The following DPYD variants were observed in gnomAD, a reference collection of about 807,000 sequenced individuals.
The protein encoded by DPYD is dihydropyrimidine dehydrogenase, also known as dihydropyrimidine dehydrogenase [NADP(+)].
In DPYD, 109 loss-of-function variants were observed where a neutral mutation model predicts 116.2. The ratio of observed to expected loss-of-function variants is 0.94; its 90% CI spans 0.80 to 1.10. DPYD has a LOEUF of 1.10. Ranked by LOEUF, DPYD falls within the 50% of genes least tolerant of loss-of-function variation. DPYD has a pLI of 0.00. For synonymous variants in DPYD, 440 were observed against 432.0 expected (o/e 1.02, Z -0.23); for missense variants, 1,302 against 1,254.5 (o/e 1.04, Z -0.57).
rs968650602 is a variant in DPYD, at chr1:97,308,076, C to T, written c.2059-1779G>A. Among the ~76,000 whole-genome samples, 21 of 151,860 alleles carry T rather than the reference C, an allele frequency of 1.4e-4. 1 individual carries two copies. In the East Asian group the frequency reaches 4.1e-3, roughly 30 times the overall value. ...GTAAACACTAATAATCTGATATAGG[C>T]TTCCAAGTGGCTTTCAATACTATTG... On this transcript the variant is annotated intron_variant, in intron 16 of 22. Transcript: ENST00000370192.
At chr1:97,406,566 C>G (rs1311088851) in intron 14 of DPYD, among the ~76,000 whole-genome samples, 2 of 148,288 alleles carry the variant, frequency 1.3e-5, no homozygotes, top group African/African-American at 5.0e-5. Flanking sequence ...CCCCACCCCC[C>G]GACAGGCCCC....
intron 8 of DPYD, among the ~76,000 whole-genome samples, chr1:97,662,140 A>G (rs1659302480): frequency 6.6e-6 from 1 of 151,308 alleles, no homozygotes; most frequent in African/African-American, 2.4e-5. Flanking sequence ...AGCTGGGACT[A>G]CAGGCACCAG....
chr1:97,340,777 A>G (rs1669552230), intron 16 of DPYD, among the ~76,000 whole-genome samples: 1 of 152,220 alleles, frequency 6.6e-6, no homozygotes, highest in South Asian at 2.1e-4. Context: ...TACGTAGATA[A>G]GTTGAGTGAT....
chr1:97,668,587 A>G (rs760057149), intron 8 of DPYD, among the ~76,000 whole-genome samples: 24 of 152,144 alleles, frequency 1.6e-4, no homozygotes, highest in Non-Finnish European at 3.2e-4. Flanking sequence ...ATATTGCAGA[A>G]GCTTAAAAAT....
At chr1:97,164,919 AG>A (rs377515081) in intron 20 of DPYD, among the ~76,000 whole-genome samples, 1 of 151,714 alleles carries the variant, frequency 6.6e-6, no homozygotes, top group Non-Finnish European at 1.5e-5. Context: ...CATGTTAGCC[AG>A]GATGGTCTCG....
chr1:97,205,690 T>G (rs762996350), intron 19 of DPYD, among the ~76,000 whole-genome samples: 10 of 152,146 alleles, frequency 6.6e-5, no homozygotes, highest in Non-Finnish European at 1.5e-4. Flanking sequence ...TATCCAAGCC[T>G]AGGTTCAATC....
At chr1:97,490,458 AATT>A (rs1310111111) in intron 13 of DPYD, among the ~76,000 whole-genome samples, 1 of 136,560 alleles carries the variant, frequency 7.3e-6, no homozygotes, top group East Asian at 2.1e-4. Context: ...ATAACGTACT[AATT>A]ATATACTATA....
At chr1:97,243,497 A>G (rs12124488) in intron 18 of DPYD, among the ~76,000 whole-genome samples, 30,280 of 151,758 alleles carry the variant, frequency 0.2, 3,155 homozygotes, top group Middle Eastern at 0.3. Context: ...GTATGGGTCC[A>G]GTATTTGAAT....
intron 14 of DPYD, among the ~76,000 whole-genome samples, chr1:97,442,480 C>T (rs1675852185): frequency 6.6e-6 from 1 of 151,466 alleles, no homozygotes; most frequent in Admixed American, 6.6e-5. Flanking sequence ...TATTCTGATT[C>T]ATTTTTTGCT....
intron 18 of DPYD, chr1:97,265,459 G>C (rs1318991685): frequency 6.6e-6 from 1 of 152,116 alleles, no homozygotes; most frequent in Non-Finnish European, 1.5e-5. Flanking sequence ...TCAGAATTTA[G>C]AACAGCACCT....
At chr1:97,804,724 G>GT (rs1251423437) in intron 3 of DPYD, among the ~76,000 whole-genome samples, 1 of 151,730 alleles carries the variant, frequency 6.6e-6, no homozygotes, top group East Asian at 1.9e-4. Context: ...TTCAGGATAG[G>GT]TAAGTGTTTA....
In DPYD at chr1:97,314,540, C is replaced by T. The variant is rs544287849; in HGVS notation, c.2059-8243G>A. 1.3e-3 allele frequency among the ~76,000 whole-genome samples: 180 copies of T among 136,570 alleles called. 1 individual carries two copies. The highest frequency in any genetic ancestry group is 2.2e-3 in the Non-Finnish European group (141 of 65,166). The allele number at this position is 136,570 out of a possible 152,430, so 89.6% of individuals were successfully genotyped here. A position where few individuals can be genotyped will look rare whatever the true frequency, so the allele number is the denominator to read the frequency against. On this transcript the variant is annotated intron_variant, in intron 16 of 22. Coordinates refer to ENST00000370192, the MANE Select transcript of DPYD (RefSeq NM_000110.4). ...AATGGACAAGAATTGCCATACACTA[C>T]TCACTGTTTAGTTAATTCCTGACTG...
intron 2 of DPYD, among the ~76,000 whole-genome samples, chr1:97,847,802 A>C (rs1360333573): frequency 6.6e-6 from 1 of 152,180 alleles, no homozygotes; most frequent in African/African-American, 2.4e-5. Context: ...CAAATATGTA[A>C]ATTAAAAATA....
Position 97,616,120 on chromosome 1 carries a change from T to A in DPYD, c.851-20954A>T, listed in dbSNP as rs536346412. On this transcript the variant is annotated intron_variant, in intron 8 of 22. Transcript: ENST00000370192. ...GGGTTTGAGTCTATTTTATTGGTATTTACACTGCACTCTAATAAATGATTT... is the reference window on the plus strand; with the variant it reads ...GGGTTTGAGTCTATTTTATTGGTATATACACTGCACTCTAATAAATGATTT... Among the ~76,000 whole-genome samples, 7 of 151,616 alleles carry A rather than the reference T, an allele frequency of 4.6e-5. No individual in the cohort carries two copies. The South Asian group carries it at 8.3e-4, about 18-fold the overall frequency.
intron 18 of DPYD, among the ~76,000 whole-genome samples, chr1:97,300,990 T>G (rs896312926): frequency 6.6e-6 from 1 of 152,068 alleles, no homozygotes; most frequent in Non-Finnish European, 1.5e-5. Flanking sequence ...TAGTATTTCC[T>G]ATGTTGGATT....
chr1:97,567,619 T>A (rs1201511956), intron 11 of DPYD, among the ~76,000 whole-genome samples: 1 of 152,154 alleles, frequency 6.6e-6, no homozygotes, highest in African/African-American at 2.4e-5. Context: ...TCACCATTCA[T>A]CCTAACATCT....
intron 3 of DPYD, among the ~76,000 whole-genome samples, chr1:97,798,385 ACAAT>A (rs1339175864): frequency 6.6e-6 from 1 of 152,024 alleles, no homozygotes; most frequent in Non-Finnish European, 1.5e-5. Context: ...ATTCCCTGTG[ACAAT>A]CAAGCAAATA....
intron 11 of DPYD, among the ~76,000 whole-genome samples, chr1:97,570,096 A>G (rs1454349368): frequency 6.6e-6 from 1 of 152,048 alleles, no homozygotes; most frequent in African/African-American, 2.4e-5. Context: ...TATTAGGTGT[A>G]TAACACTAAA....
At chr1:97,655,735 C>T (rs776443932) in intron 8 of DPYD, among the ~76,000 whole-genome samples, 79 of 152,120 alleles carry the variant, frequency 5.2e-4, no homozygotes, top group Admixed American at 3.9e-4. Flanking sequence ...CCACCCCGCC[C>T]CAACCAAGGG....
Sources: gnomAD v4.1 joint callset for allele counts (sites outside exome capture counted in the v4.1 genomes callset) on GRCh38, gnomAD v4.1.1 for gene constraint, MANE v1.5 for transcripts, NCBI Gene and HGNC (gene_info 2026-07-23, HGNC 2026-07-21) for gene names.